Variants in VWC2 observed in about 807,000 individuals in gnomAD.
VWC2 encodes the protein brorin.
Under a neutral mutation model 29.8 loss-of-function variants are expected in VWC2, and 14 were observed. The ratio of observed to expected loss-of-function variants is 0.47; its 90% CI spans 0.31 to 0.74. The LOEUF (loss-of-function observed/expected upper bound fraction) is 0.74, where lower values mean the gene tolerates loss of function less well. Among genes scored for constraint, VWC2 ranks in the 30% least tolerant of loss-of-function variants. The pLI is 0.05. For synonymous variants in VWC2, 213 were observed against 199.0 expected (o/e 1.07, Z -0.59); for missense variants, 457 against 459.8 (o/e 0.99, Z 0.05).
intron 2 of VWC2, among the ~76,000 whole-genome samples, chr7:49,801,979 G>A (rs1788748417): frequency 6.6e-6 from 1 of 152,218 alleles, no homozygotes; most frequent in Non-Finnish European, 1.5e-5. Flanking sequence ...AACACTGGGA[G>A]TGTTCCATGT....
At chr7:49,789,955 A>C (rs984906497) in intron 2 of VWC2, among the ~76,000 whole-genome samples, 6 of 152,188 alleles carry the variant, frequency 3.9e-5, no homozygotes, top group African/African-American at 1.4e-4. Context: ...GCGGGGGTGC[A>C]GGCCGCCAGC....
At chr7:49,808,558 C>A (rs1483712960) in intron 3 of VWC2, among the ~76,000 whole-genome samples, 1 of 152,040 alleles carries the variant, frequency 6.6e-6, no homozygotes, top group Non-Finnish European at 1.5e-5. Flanking sequence ...TACCACCCAT[C>A]CACTGAAGAA....
At chr7:49,857,908 G>A (rs1162440117) in intron 3 of VWC2, among the ~76,000 whole-genome samples, 1 of 152,192 alleles carries the variant, frequency 6.6e-6, no homozygotes, top group Non-Finnish European at 1.5e-5. Flanking sequence ...TAAGTTTGGT[G>A]TTTCCACAGG....
chr7:49,890,923 TA>T (rs76976636), intron 3 of VWC2, among the ~76,000 whole-genome samples: 4 of 150,132 alleles, frequency 2.7e-5, no homozygotes, highest in Admixed American at 6.6e-5. Flanking sequence ...TAAACAGGCA[TA>T]AAAAAAAGGT....
rs117512610 is a variant in VWC2, at chr7:49,786,443, A to G, written c.696+10312A>G. Among the ~76,000 whole-genome samples the G allele has an allele frequency of 2.3e-3, 346 of 152,336 alleles. 2 individuals are homozygous for G. Among genetic ancestry groups the G allele is most frequent in the Non-Finnish European group, 4.4e-3 (302 of 68,030 alleles). ...TATTGTGAGTAGTGCTGCAATGAAC[A>G]TAGGAGTGCATGTGTCATTTTGGTA... On this transcript the variant is annotated intron_variant, in intron 2 of 3. Coordinates refer to ENST00000340652, the MANE Select transcript of VWC2 (RefSeq NM_198570.5).
At chr7:49,857,900 A>C (rs2128719051) in intron 3 of VWC2, among the ~76,000 whole-genome samples, 1 of 152,276 alleles carries the variant, frequency 6.6e-6, no homozygotes, top group African/African-American at 2.4e-5. Flanking sequence ...ATCTGAGCTA[A>C]GTTTGGTGTT....
chr7:49,907,430 T>C (rs1005282382), intron 3 of VWC2, among the ~76,000 whole-genome samples: 2 of 152,204 alleles, frequency 1.3e-5, no homozygotes, highest in African/African-American at 4.8e-5. Flanking sequence ...GACATTTGCA[T>C]TGTAATTTTT....
At position 49,916,920 on chromosome 7, in the gene VWC2, T is replaced by C. The variant is rs529193188; in HGVS notation, c.*4735T>C. ...ATTTCTGGTGCAAGTCAGAAAAAAATTGCTTTTAGTGTGAAATTTTTGATG... is the reference window on the plus strand; with the variant it reads ...ATTTCTGGTGCAAGTCAGAAAAAAACTGCTTTTAGTGTGAAATTTTTGATG... On this transcript the variant is annotated 3_prime_UTR_variant, in exon 4 of 4. Coordinates refer to ENST00000340652, the MANE Select transcript of VWC2 (RefSeq NM_198570.5). 10 of 152,206 alleles carry C rather than the reference T, an allele frequency of 6.6e-5. No homozygotes were observed. The highest frequency in any genetic ancestry group is 2.4e-4 in the African/African-American group (10 of 41,538). 9.4% of individuals were successfully genotyped at this position (152,206 alleles called of 1,614,324 possible).
chr7:49,868,871 G>A lies in VWC2; in HGVS notation c.827-43163G>A, dbSNP rs139410141. On this transcript the variant is annotated intron_variant, in intron 3 of 3. Coordinates refer to ENST00000340652, the MANE Select transcript of VWC2 (RefSeq NM_198570.5). The stretch of plus-strand genomic sequence containing the variant: ...TAACCTCAAGTGATCCACCTGCCTC[G>A]GCCTCCCAAAGTGCTGGGATTACGG... Among the ~76,000 whole-genome samples, 547 of 152,258 alleles carry A rather than the reference G, an allele frequency of 3.6e-3. 2 individuals are homozygous for A. The highest frequency in any genetic ancestry group is 6.2e-3 in the Non-Finnish European group (420 of 68,024).
At chr7:49,809,390 A>G (rs1027071321) in intron 3 of VWC2, among the ~76,000 whole-genome samples, 2 of 151,996 alleles carry the variant, frequency 1.3e-5, no homozygotes, top group Admixed American at 1.3e-4. Context: ...CTTCCCACAA[A>G]TAAAAGCTCA....
intron 3 of VWC2, among the ~76,000 whole-genome samples, chr7:49,890,664 G>A (rs1278462839): frequency 6.6e-6 from 1 of 151,658 alleles, no homozygotes; most frequent in African/African-American, 2.4e-5. Context: ...GTGCATGAGA[G>A]TAACTCCCAC....
At chr7:49,825,581 T>C (rs1246831535) in intron 3 of VWC2, among the ~76,000 whole-genome samples, 1 of 152,220 alleles carries the variant, frequency 6.6e-6, no homozygotes, top group Non-Finnish European at 1.5e-5. Flanking sequence ...TGAAGGTTAG[T>C]GGTCAAGCAA....
At position 49,917,126 on chromosome 7, in the gene VWC2, A is replaced by G. The variant is rs988947471; in HGVS notation, c.*4941A>G. The G allele has an allele frequency of 6.6e-6, 1 of 152,180 alleles. No individual in the cohort carries two copies. Among genetic ancestry groups the G allele is most frequent in the African/African-American group, 2.4e-5 (1 of 41,428 alleles). 9.4% of individuals were successfully genotyped at this position (152,180 alleles called of 1,614,324 possible). A position where few individuals can be genotyped will look rare whatever the true frequency, so the allele number is the denominator to read the frequency against. On this transcript the variant is annotated 3_prime_UTR_variant, in exon 4 of 4. Coordinates refer to ENST00000340652, the MANE Select transcript of VWC2 (RefSeq NM_198570.5). Reference sequence around the variant, plus strand: ...TAATCTTTCTACATAACATAATTAAACACCTCAGTAGGTATCTAGTGAACT... The same window carrying G: ...TAATCTTTCTACATAACATAATTAAGCACCTCAGTAGGTATCTAGTGAACT...
chr7:49,803,130 C>T lies in VWC2; in HGVS notation c.826+290C>T, dbSNP rs137975074. On this transcript the variant is annotated intron_variant, in intron 3 of 3. Transcript: ENST00000340652. ...TTATTTTAATTTAACTTTGTTTGTT[C>T]TTGCAAAGCTGTTTCTATCTTTCCA... Among the ~76,000 whole-genome samples the T allele has an allele frequency of 1.6e-4, 24 of 152,282 alleles. No individual in the cohort carries two copies. In the East Asian group the frequency reaches 3.5e-3, roughly 22 times the overall value.
At chr7:49,905,848 C>A (rs2128739288) in intron 3 of VWC2, among the ~76,000 whole-genome samples, 1 of 152,308 alleles carries the variant, frequency 6.6e-6, no homozygotes, top group East Asian at 1.9e-4. Context: ...CCGGCTAAAA[C>A]CCACCAAAAC....
At chr7:49,782,951 T>A (rs1377067868) in intron 2 of VWC2, among the ~76,000 whole-genome samples, 1 of 152,178 alleles carries the variant, frequency 6.6e-6, no homozygotes, top group Non-Finnish European at 1.5e-5. Flanking sequence ...AATTTGAACC[T>A]GTAAAGCTCT....
intron 3 of VWC2, among the ~76,000 whole-genome samples, chr7:49,841,322 T>A (rs1044693751): frequency 2.0e-4 from 30 of 152,238 alleles, no homozygotes; most frequent in Admixed American, 1.7e-3. Flanking sequence ...TTTTTTTTTT[T>A]TTTAAAGTAA....
At chr7:49,792,000 G>T (rs1025335669) in intron 2 of VWC2, among the ~76,000 whole-genome samples, 1 of 152,188 alleles carries the variant, frequency 6.6e-6, no homozygotes, top group African/African-American at 2.4e-5. Context: ...AGGTGCAGTG[G>T]TGGAAGGGCC....
In VWC2 at chr7:49,920,695, T is replaced by C. The variant is rs1417828175; in HGVS notation, c.*8510T>C. ...ATATAGCATGAATAAAACACATATG[T>C]ATTTAATTGTGTTATTTACTATTTA... On this transcript the variant is annotated 3_prime_UTR_variant, in exon 4 of 4. Transcript: ENST00000340652. 6.7e-6 allele frequency: 1 copy of C among 148,456 alleles called. No homozygotes were observed. Among genetic ancestry groups the C allele is most frequent in the African/African-American group, 2.5e-5 (1 of 39,900 alleles). 9.2% of individuals were successfully genotyped at this position (148,456 alleles called of 1,614,324 possible). A position where few individuals can be genotyped will look rare whatever the true frequency, so the allele number is the denominator to read the frequency against.
Sources: allele counts gnomAD v4.1 joint callset (sites outside exome capture counted in the v4.1 genomes callset), GRCh38; gene constraint gnomAD v4.1.1; transcripts MANE v1.5; gene names NCBI Gene and HGNC (gene_info 2026-07-23, HGNC 2026-07-21).